Variants in LARGE1 observed in about 807,000 individuals in gnomAD.
LARGE1 encodes the protein xylosyl- and glucuronyltransferase LARGE1.
Under a neutral mutation model 87.6 loss-of-function variants are expected in LARGE1, and 43 were observed. That is an observed-to-expected ratio of 0.49 (90% CI 0.38 to 0.63). LARGE1 has a LOEUF of 0.63. Ranked by LOEUF, LARGE1 falls within the 30% of genes least tolerant of loss-of-function variation. The pLI is 0.00. For missense variants in LARGE1, 802 were observed against 1,000.2 expected (o/e 0.80, Z 2.67); for synonymous variants, 434 against 394.6 (o/e 1.10, Z -1.18).
intron 4 of LARGE1, among the ~76,000 whole-genome samples, chr22:33,607,802 C>G (rs1284096408): frequency 6.6e-6 from 1 of 152,190 alleles, no homozygotes; most frequent in Non-Finnish European, 1.5e-5. Flanking sequence ...GGGTAATAAA[C>G]TGAATAAACG....
At chr22:33,564,739 G>A in intron 6 of LARGE1, 109 bp downstream of exon 6, 1 of 1,106,942 alleles carries the variant, frequency 9.0e-7, no homozygotes, top group Non-Finnish European at 1.4e-6. Flanking sequence ...CACTGCATTA[G>A]CACGACCTCA....
At chr22:33,710,239 T>C (rs2082693046) in intron 2 of LARGE1, among the ~76,000 whole-genome samples, 1 of 150,728 alleles carries the variant, frequency 6.6e-6, no homozygotes, top group Non-Finnish European at 1.5e-5. Context: ...GTAATACAAA[T>C]TGTATTCGGT....
the LARGE1 span, among the ~76,000 whole-genome samples, chr22:33,072,355 T>G: frequency 6.6e-6 from 1 of 152,160 alleles, no homozygotes; most frequent in African/African-American, 2.4e-5. Context: ...TGGAGCACTT[T>G]TCTTCATTTT....
rs550845217 is a variant in LARGE1, at chr22:33,660,996, T to A, written c.107-10328A>T. ...TAAGAATCATATTTTACAGTAAAAA[T>A]TTTTAATGAGGTTTGATTTTTTTTT... On this transcript the variant is annotated intron_variant, in intron 2 of 14. Transcript: ENST00000397394. 2.6e-5 allele frequency among the ~76,000 whole-genome samples: 4 copies of A among 152,164 alleles called. No homozygotes were observed. In the East Asian group the frequency reaches 7.7e-4, roughly 29 times the overall value.
chr22:33,694,767 G>A (rs746418975), intron 2 of LARGE1, among the ~76,000 whole-genome samples: 1 of 152,072 alleles, frequency 6.6e-6, no homozygotes. Context: ...GGATCAGGTA[G>A]CCCCCTAGTC....
chr22:33,239,255 C>T (rs983818348), intron 11 of LARGE1, among the ~76,000 whole-genome samples: 4 of 152,032 alleles, frequency 2.6e-5, no homozygotes, highest in African/African-American at 4.8e-5. Flanking sequence ...GGTATATACA[C>T]AGTCTACTTA....
chr22:33,108,973 T>A, the LARGE1 span: 15 of 152,216 alleles, frequency 9.9e-5, no homozygotes, highest in Middle Eastern at 6.8e-3. Context: ...TATAATGAGG[T>A]AATAAAAGTG....
chr22:33,638,246 T>A (rs1357945487), intron 3 of LARGE1, among the ~76,000 whole-genome samples: 1 of 152,230 alleles, frequency 6.6e-6, no homozygotes, highest in African/African-American at 2.4e-5. Context: ...TAAGGTTAGT[T>A]AGGACCCAGA....
At chr22:33,294,574 C>T (rs533391263) in intron 12 of LARGE1, among the ~76,000 whole-genome samples, 5 of 152,308 alleles carry the variant, frequency 3.3e-5, no homozygotes, top group African/African-American at 7.2e-5. Flanking sequence ...CCGGCCTCCC[C>T]GTACCTCCCT....
rs1020348121 is a variant in LARGE1 at position 33,774,859 on chromosome 22, T to C, written c.-82-13301A>G. On this transcript the variant is annotated intron_variant, in intron 1 of 14. Transcript: ENST00000397394. Reference sequence around the variant, plus strand: ...TCAGGTGCTTAAGAGCCACATGGGCTAGTGGCCACCGTGCTGGACTGTGCA... The same window carrying C: ...TCAGGTGCTTAAGAGCCACATGGGCCAGTGGCCACCGTGCTGGACTGTGCA... Among the ~76,000 whole-genome samples, 18 of 152,188 alleles carry C rather than the reference T, an allele frequency of 1.2e-4. 1 individual carries two copies. The highest frequency in any genetic ancestry group is 4.3e-4 in the African/African-American group (18 of 41,438).
At chr22:33,671,066 G>A (rs1445493606) in intron 2 of LARGE1, among the ~76,000 whole-genome samples, 1 of 152,166 alleles carries the variant, frequency 6.6e-6, no homozygotes, top group Non-Finnish European at 1.5e-5. Flanking sequence ...TCAAGCCCTG[G>A]TCGAAGTGGG....
intron 2 of LARGE1, among the ~76,000 whole-genome samples, chr22:33,680,392 T>C (rs562893770): frequency 6.7e-6 from 1 of 150,032 alleles, no homozygotes; most frequent in Admixed American, 6.6e-5. Flanking sequence ...ATTTTTACAA[T>C]AACTACTGAC....
intron 2 of LARGE1, among the ~76,000 whole-genome samples, chr22:33,672,286 A>G (rs947044573): frequency 2.6e-5 from 4 of 152,312 alleles, no homozygotes; most frequent in Middle Eastern, 3.4e-3. Context: ...CCTCCCTCAG[A>G]AAAACCGAAA....
At chr22:33,788,396 C>T (rs1044495789) in intron 1 of LARGE1, among the ~76,000 whole-genome samples, 3 of 152,094 alleles carry the variant, frequency 2.0e-5, no homozygotes, top group African/African-American at 7.2e-5. Context: ...AGTGTGAGAA[C>T]AGATGAATAC....
At chr22:33,104,927 CTTTCTTTCTTTCTT>C in the LARGE1 span, among the ~76,000 whole-genome samples, 4 of 143,432 alleles carry the variant, frequency 2.8e-5, no homozygotes, top group Non-Finnish European at 3.0e-5. Context: ...TTCTTTCTTT[CTTTCTTTCTTTCTT>C]TCTTTCTCTT....
intron 6 of LARGE1, among the ~76,000 whole-genome samples, chr22:33,442,726 C>T (rs1290238197): frequency 6.6e-6 from 1 of 151,780 alleles, no homozygotes; most frequent in Admixed American, 6.6e-5. Flanking sequence ...GCCCTATGAG[C>T]AGAGTCAGTT....
chr22:33,386,534 A>T (rs374050036), intron 7 of LARGE1, among the ~76,000 whole-genome samples: 1 of 148,718 alleles, frequency 6.7e-6, no homozygotes, highest in East Asian at 1.9e-4. Context: ...GGGGAAAAAA[A>T]CGGCCGGATT....
At chr22:33,528,293 T>G (rs2148553470) in intron 6 of LARGE1, among the ~76,000 whole-genome samples, 1 of 152,258 alleles carries the variant, frequency 6.6e-6, no homozygotes, top group South Asian at 2.1e-4. Flanking sequence ...GGCTGGGGAC[T>G]GTAGACTCCG....
chr22:33,849,592 C>CTTTT lies in LARGE1; in HGVS notation c.-83+70399_-83+70402dup, dbSNP rs71187287. Among the ~76,000 whole-genome samples the CTTTT allele has an allele frequency of 4.3e-3, 382 of 88,586 alleles. 13 individuals are homozygous for CTTTT. The highest frequency in any genetic ancestry group is 0.013 in the African/African-American group (277 of 21,152). 58.1% of individuals were successfully genotyped at this position (88,586 alleles called of 152,430 possible). On this transcript the variant is annotated intron_variant, in intron 1 of 14. Transcript: ENST00000397394. Reference sequence around the variant, plus strand: ...CTTTAGTTCTTTTTTCTTTTCTTCTCTTTTTTTTTTTTTTTTTTTTTTTTG... The same window carrying CTTTT: ...CTTTAGTTCTTTTTTCTTTTCTTCTCTTTTTTTTTTTTTTTTTTTTTTTTTTTTG...
Sources: allele counts gnomAD v4.1 joint callset (sites outside exome capture counted in the v4.1 genomes callset), GRCh38; gene constraint gnomAD v4.1.1; transcripts MANE v1.5; gene names NCBI Gene and HGNC (gene_info 2026-07-23, HGNC 2026-07-21).